The following ZBTB7C variants were observed in gnomAD, a reference collection of about 807,000 sequenced individuals.
ZBTB7C encodes the protein zinc finger and BTB domain containing 7C.
In ZBTB7C, 8 loss-of-function variants were observed where a neutral mutation model predicts 25.7. That is an observed-to-expected ratio of 0.31 (90% confidence interval 0.18 to 0.56). The LOEUF is 0.56. ZBTB7C is among the 20% of genes least tolerant of loss of function. The pLI, the probability that ZBTB7C is intolerant of heterozygous loss-of-function variation, is 0.91. For missense variants in ZBTB7C, 824 were observed against 855.2 expected (o/e 0.96, Z 0.46); for synonymous variants, 394 against 369.0 (o/e 1.07, Z -0.78).
chr18:48,305,385 G>GCT (rs1183754815), intron 2 of ZBTB7C, among the ~76,000 whole-genome samples: 5 of 152,258 alleles, frequency 3.3e-5, no homozygotes, highest in African/African-American at 1.2e-4. Flanking sequence ...GTTCTGCTCA[G>GCT]GGACCTGGAG....
chr18:48,271,569 T>A (rs952643560), intron 2 of ZBTB7C, among the ~76,000 whole-genome samples: 27 of 148,162 alleles, frequency 1.8e-4, no homozygotes, highest in African/African-American at 6.6e-4. Flanking sequence ...TAATTATATT[T>A]ATAAGGTATT....
chr18:48,034,672 G>A (rs1369416778), intron 4 of ZBTB7C, among the ~76,000 whole-genome samples: 1 of 152,164 alleles, frequency 6.6e-6, no homozygotes, highest in African/African-American at 2.4e-5. Flanking sequence ...TGACTGACTA[G>A]TGGTGCCAAT....
chr18:48,126,653 T>C (rs542780411), intron 3 of ZBTB7C, among the ~76,000 whole-genome samples: 10 of 152,286 alleles, frequency 6.6e-5, no homozygotes, highest in Middle Eastern at 6.8e-3. Flanking sequence ...ACACTTCCAT[T>C]GCTTTGGGTT....
intron 3 of ZBTB7C, among the ~76,000 whole-genome samples, chr18:48,169,577 T>C (rs6507821): frequency 0.87 from 132,367 of 152,202 alleles, 57,912 homozygotes; most frequent in African/African-American, 0.96. Context: ...TGTCCTGCCA[T>C]GGGCCATATG....
At chr18:48,031,351 A>ATCAC (rs1261523891) in intron 4 of ZBTB7C, among the ~76,000 whole-genome samples, 1 of 152,096 alleles carries the variant, frequency 6.6e-6, no homozygotes, top group Non-Finnish European at 1.5e-5. Flanking sequence ...AGCCCCTGGG[A>ATCAC]GTGAGGAGAA....
chr18:48,358,167 AATGGT>A (rs2047019973), intron 1 of ZBTB7C, among the ~76,000 whole-genome samples: 1 of 152,100 alleles, frequency 6.6e-6, no homozygotes, highest in Non-Finnish European at 1.5e-5. Flanking sequence ...CCTGGCCAAC[AATGGT>A]GAAACCCCGT....
intron 2 of ZBTB7C, among the ~76,000 whole-genome samples, chr18:48,268,002 T>C (rs2144553337): frequency 6.6e-6 from 1 of 152,354 alleles, no homozygotes; most frequent in East Asian, 1.9e-4. Context: ...AATGTCTCTG[T>C]CTCACAGATG....
chr18:48,090,098 C>T lies in ZBTB7C; in HGVS notation c.-16-48975G>A, dbSNP rs977219852. On this transcript the variant is annotated intron_variant, in intron 3 of 4. Coordinates refer to ENST00000590800, the MANE Select transcript of ZBTB7C (RefSeq NM_001318841.2). The stretch of plus-strand genomic sequence containing the variant: ...AAGGTTCCCATAAGGTGGGACCCAT[C>T]GCGGGAAGTGCCAGGAAAACACCCA... Among the ~76,000 whole-genome samples the T allele has an allele frequency of 3.2e-4, 49 of 152,200 alleles. 1 individual carries two copies. The highest frequency in any genetic ancestry group is 1.1e-3 in the African/African-American group (46 of 41,454).
intron 3 of ZBTB7C, among the ~76,000 whole-genome samples, chr18:48,134,620 C>T (rs1357393419): frequency 4.6e-5 from 7 of 152,158 alleles, no homozygotes; most frequent in Non-Finnish European, 8.8e-5. Context: ...TAAGGGCAGG[C>T]GCTTGAAGCT....
At chr18:48,032,947 C>T (rs1349002276) in intron 4 of ZBTB7C, among the ~76,000 whole-genome samples, 2 of 152,160 alleles carry the variant, frequency 1.3e-5, no homozygotes, top group Non-Finnish European at 2.9e-5. Flanking sequence ...TATTGAACAT[C>T]TGCTATGGGC....
At chr18:48,201,422 G>GACATCGGGGC (rs2042444287) in intron 2 of ZBTB7C, among the ~76,000 whole-genome samples, 1 of 152,146 alleles carries the variant, frequency 6.6e-6, no homozygotes, top group African/African-American at 2.4e-5. Flanking sequence ...CTCCTCTGAT[G>GACATCGGGGC]TCCATTCCTG....
chr18:48,317,212 G>A (rs1217099772), intron 2 of ZBTB7C, among the ~76,000 whole-genome samples: 1 of 142,130 alleles, frequency 7.0e-6, no homozygotes, highest in Non-Finnish European at 1.5e-5. Context: ...AGCTGAGATT[G>A]CGCCACTGCA....
chr18:48,240,933 G>C (rs2043506121), intron 2 of ZBTB7C, among the ~76,000 whole-genome samples: 2 of 152,102 alleles, frequency 1.3e-5, no homozygotes, highest in African/African-American at 4.8e-5. Context: ...CACCAACCAA[G>C]TATCTGCTGT....
chr18:48,293,056 C>T (rs571955067), intron 2 of ZBTB7C, among the ~76,000 whole-genome samples: 6 of 152,318 alleles, frequency 3.9e-5, no homozygotes, highest in Admixed American at 2.0e-4. Flanking sequence ...GCACAATGTC[C>T]GGCCCACCAG....
rs548112849 is a variant in ZBTB7C at position 48,073,664 on chromosome 18, C to A, written c.-16-32541G>T. The stretch of plus-strand genomic sequence containing the variant: ...TCCTTCCCCTGCCCTCCCTCTCCCC[C>A]CACCCAAGAAGACCTTATTTCCAGG... On this transcript the variant is annotated intron_variant, in intron 3 of 4. Transcript: ENST00000590800. Among the ~76,000 whole-genome samples, 34 of 152,312 alleles carry A rather than the reference C, an allele frequency of 2.2e-4. 3 individuals are homozygous for A. In the South Asian group the frequency reaches 6.6e-3, roughly 30 times the overall value.
intron 2 of ZBTB7C, among the ~76,000 whole-genome samples, chr18:48,316,387 AAC>A (rs1355751782): frequency 6.6e-6 from 1 of 152,188 alleles, no homozygotes; most frequent in Non-Finnish European, 1.5e-5. Flanking sequence ...TGAGCAGGCA[AAC>A]ACAGGCTGTG....
At chr18:48,155,895 G>A (rs909623719) in intron 3 of ZBTB7C, among the ~76,000 whole-genome samples, 1 of 152,110 alleles carries the variant, frequency 6.6e-6, no homozygotes, top group African/African-American at 2.4e-5. Context: ...AACCGGGTTG[G>A]AAATAGAAGA....
intron 3 of ZBTB7C, among the ~76,000 whole-genome samples, chr18:48,125,704 G>A (rs1279482137): frequency 2.0e-5 from 3 of 152,128 alleles, no homozygotes; most frequent in Non-Finnish European, 2.9e-5. Flanking sequence ...AGACCAGGAG[G>A]GCTTCTGATG....
intron 3 of ZBTB7C, among the ~76,000 whole-genome samples, chr18:48,139,191 G>A (rs1208668318): frequency 2.6e-5 from 4 of 152,158 alleles, no homozygotes; most frequent in Admixed American, 2.6e-4. Context: ...GGAGGCAGGA[G>A]GGGGAGTCAC....
Sources: gnomAD v4.1 joint callset for allele counts (sites outside exome capture counted in the v4.1 genomes callset) on GRCh38, gnomAD v4.1.1 for gene constraint, MANE v1.5 for transcripts, NCBI Gene and HGNC (gene_info 2026-07-23, HGNC 2026-07-21) for gene names.